Variants in HCRTR1 observed in about 807,000 individuals in gnomAD.
HCRTR1 encodes the protein hypocretin receptor 1.
HCRTR1 carries 28 observed loss-of-function variants against 40.6 expected under a neutral mutation model. That is an observed-to-expected ratio of 0.69 (90% confidence interval 0.51 to 0.95). HCRTR1 has a LOEUF of 0.95. HCRTR1 is among the 40% of genes least tolerant of loss of function. HCRTR1 has a pLI of 0.00. For synonymous variants in HCRTR1, 209 were observed against 230.0 expected, an observed-to-expected ratio of 0.91 and a Z score of 0.83; for missense variants, 482 against 564.7, an observed-to-expected ratio of 0.85 and a Z score of 1.48.
In HCRTR1 at chr1:31,627,022, C is replaced by G. The variant is rs1557580851; in HGVS notation, c.*42C>G. 1.3e-6 allele frequency: 2 copies of G among 1,575,364 alleles called. No individual in the cohort carries two copies. The highest frequency in any genetic ancestry group is 2.3e-5 in the East Asian group (1 of 43,716). On this transcript the variant is annotated 3_prime_UTR_variant, in exon 9 of 9. Coordinates refer to ENST00000403528, the MANE Select transcript of HCRTR1 (RefSeq NM_001525.3). ...AGGCTCCGGCTCGGGGGATCTGCCC[C>G]TACCCCTCATGGAAAGACAGCTGGA...
In HCRTR1 at chr1:31,621,585, G is replaced by A; in HGVS notation, c.731G>A (p.Gly244Asp). The A allele has an allele frequency of 1.2e-6, 2 of 1,611,576 alleles. No individual in the cohort carries two copies. The highest frequency in any genetic ancestry group is 4.5e-5 in the East Asian group (2 of 44,874). Residue 244 changes from glycine (G) to aspartate (D), a missense_variant, in exon 6 of 9, where the codon GGC (glycine) becomes GAC (aspartate). By Grantham distance (94) the Gly-to-Asp change is moderately conservative. Coordinates refer to ENST00000403528, the MANE Select transcript of HCRTR1 (RefSeq NM_001525.3). ...TTCCAGATATTCCGCAAGCTCTGGG[G>A]CCGCCAGGTGAGGCCCACTCTGGGC... ...AYFQIFRKLWGRQIPGTTSAL... is the reference protein window; with the variant it reads ...AYFQIFRKLWDRQIPGTTSAL...
intron 6 of HCRTR1, 24 bp from the exon 7 acceptor site, chr1:31,623,499 G>T: frequency 6.3e-7 from 1 of 1,595,182 alleles, no homozygotes; most frequent in Non-Finnish European, 8.6e-7. Context: ...ACCCACCACT[G>T]CTGTCTCTAT....
rs147617240 is a variant in HCRTR1, at chr1:31,619,271, T to G, written c.79T>G (p.Tyr27Asp). 5.1e-5 allele frequency: 83 copies of G among 1,614,092 alleles called. No individual in the cohort carries two copies. In the Admixed American group the frequency reaches 1.3e-3, roughly 25 times the overall value. Residue 27 changes from tyrosine (Y) to aspartate (D), a missense_variant, in exon 3 of 9, where the codon TAT becomes GAT. Physicochemically the swap from Tyr to Asp is radical, Grantham distance 160. Transcript: ENST00000403528. ...SREPSPVPPD[Y>D]EDEFLRYLWR... is the part of the protein sequence containing the mutation. Reference sequence around the variant, plus strand: ...AGAGCCGTCCCCTGTGCCTCCAGACTATGAAGATGAGTTTCTCCGCTATCT... The same window carrying G: ...AGAGCCGTCCCCTGTGCCTCCAGACGATGAAGATGAGTTTCTCCGCTATCT...
At position 31,627,051 on chromosome 1, in the gene HCRTR1, G is replaced by T; in HGVS notation, c.*71G>T. The T allele has an allele frequency of 1.3e-6, 2 of 1,545,154 alleles. No homozygotes were observed. The stretch of plus-strand genomic sequence containing the variant: ...CCCTCATGGAAAGACAGCTGGATGT[G>T]GTGAAAGGCTGTGGCTTCAGTCCTG... On this transcript the variant is annotated 3_prime_UTR_variant, in exon 9 of 9. Transcript: ENST00000403528.
At chr1:31,632,347 G>A, downstream of HCRTR1, 1 of 1,365,496 alleles carries the variant, frequency 7.3e-7, no homozygotes, top group Non-Finnish European at 1.0e-6. Context: ...CAAAGAAGGG[G>A]TGAGGGATGC....
intron 5 of HCRTR1, 138 bp from the exon 6 acceptor site, chr1:31,621,339 G>C (rs1639851541): frequency 1.2e-6 from 1 of 813,634 alleles, no homozygotes; most frequent in Non-Finnish European, 2.1e-6. Context: ...CAGGGTCTCT[G>C]TCTGTCATGG....
Position 31,625,211 on chromosome 1 carries a change from G to GAT in HCRTR1, c.1087+93_1087+94insAT. The GAT allele has an allele frequency of 7.2e-7, 1 of 1,387,624 alleles. No individual in the cohort carries two copies. Among genetic ancestry groups the GAT allele is most frequent in the Admixed American group, 2.3e-5 (1 of 44,118 alleles). The allele number at this position is 1,387,624 out of a possible 1,614,324, so 86.0% of individuals were successfully genotyped here. ...CCAAGCCAGGGCCCAAATAAAGGATGGTGGGTGAGGATGTACCTGCTGTGG... is the reference window on the plus strand; with the variant it reads ...CCAAGCCAGGGCCCAAATAAAGGATGATGTGGGTGAGGATGTACCTGCTGTGG... On this transcript the variant is annotated intron_variant, in intron 8 of 8. Transcript: ENST00000403528. This position sits in a 1 kb window ranked among gnomAD's most constrained non-coding sequence, Gnocchi z 4.2.
downstream of HCRTR1, chr1:31,633,421 C>G (rs2148618042): frequency 8.4e-7 from 1 of 1,187,732 alleles, no homozygotes; most frequent in South Asian, 1.6e-5. Context: ...ACAAATTCAC[C>G]TTCCCTGTCT....
downstream of HCRTR1, chr1:31,633,418 C>A: frequency 1.6e-6 from 2 of 1,245,756 alleles, no homozygotes; most frequent in Non-Finnish European, 2.2e-6. Flanking sequence ...TTCACAAATT[C>A]ACCTTCCCTG....
downstream of HCRTR1, chr1:31,630,756 T>C (rs549808725): frequency 1.7e-5 from 28 of 1,614,096 alleles, no homozygotes; most frequent in South Asian, 3.0e-4. Context: ...TCAAGCTGCA[T>C]GGCAGGATTG....
chr1:31,624,348 A>C lies in HCRTR1; in HGVS notation c.965+599A>C, dbSNP rs116418631. Reference sequence around the variant, plus strand: ...GTGGCATGTGCCTGTAGTTCTAGCTACACAGACTGAGGTGGAAGAATAGCT... The same window carrying C: ...GTGGCATGTGCCTGTAGTTCTAGCTCCACAGACTGAGGTGGAAGAATAGCT... On this transcript the variant is annotated intron_variant, in intron 7 of 8. Coordinates refer to ENST00000403528, the MANE Select transcript of HCRTR1 (RefSeq NM_001525.3). 3.8e-3 allele frequency among the ~76,000 whole-genome samples: 579 copies of C among 151,434 alleles called. 5 individuals carry two copies. Among genetic ancestry groups the C allele is most frequent in the African/African-American group, 0.012 (508 of 41,162 alleles).
At chr1:31,628,643 T>A (rs769540463), downstream of HCRTR1, among the ~76,000 whole-genome samples, 3 of 152,138 alleles carry the variant, frequency 2.0e-5, no homozygotes, top group Non-Finnish European at 4.4e-5. Context: ...CTTGGTTCAG[T>A]GGGAACAAAG....
intron 6 of HCRTR1, 46 bp downstream of exon 6, chr1:31,621,638 T>G (rs879243277): frequency 3.0e-6 from 4 of 1,342,586 alleles, no homozygotes; most frequent in Non-Finnish European, 4.3e-6. Flanking sequence ...CTGTGTGGGC[T>G]GGGGGTGGGA....
chr1:31,626,826 G>A lies in HCRTR1; in HGVS notation c.1124G>A (p.Cys375Tyr), dbSNP rs1035124863. The A allele has an allele frequency of 2.5e-6, 4 of 1,614,042 alleles. No homozygotes were observed. The highest frequency in any genetic ancestry group is 3.3e-5 in the Admixed American group (2 of 60,022). ...GAGCAGTTTAAGGCTGCCTTCTCCT[G>A]CTGCCTGCCTGGCCTGGGTCCCTGC... ...FREQFKAAFSCCLPGLGPCGS... is the reference protein window; with the variant it reads ...FREQFKAAFSYCLPGLGPCGS... Residue 375 changes from cysteine (C) to tyrosine (Y), a missense_variant, in exon 9 of 9, where the codon TGC (cysteine) becomes TAC (tyrosine). Physicochemically the swap from Cys to Tyr is radical, Grantham distance 194. Coordinates refer to ENST00000403528, the MANE Select transcript of HCRTR1 (RefSeq NM_001525.3). This position sits in a 1 kb window ranked among gnomAD's most constrained non-coding sequence, Gnocchi z 4.6.
At position 31,625,622 on chromosome 1, in the gene HCRTR1, C is replaced by A. The variant is rs545001964; in HGVS notation, c.1087+504C>A. 3.9e-5 allele frequency among the ~76,000 whole-genome samples: 6 copies of A among 152,292 alleles called. No individual in the cohort carries two copies. Among genetic ancestry groups the A allele is most frequent in the South Asian group, 2.1e-4 (1 of 4,830 alleles). ...CAGCTAGACACACTGGCAGAGTGAC[C>A]GGAATCTCAGGGGTTGTCCCCTCTG... On this transcript the variant is annotated intron_variant, in intron 8 of 8. Transcript: ENST00000403528. This position sits in a 1 kb window ranked among gnomAD's most constrained non-coding sequence, Gnocchi z 4.2.
At chr1:31,630,409 C>T (rs182741586), downstream of HCRTR1, 183 of 600,310 alleles carry the variant, frequency 3.0e-4, no homozygotes, top group African/African-American at 3.0e-3. Flanking sequence ...CATCAGGCCC[C>T]TATCTGTGTG....
Position 31,626,862 on chromosome 1 carries a change from A to C in HCRTR1, c.1160A>C (p.Lys387Thr). The change falls in exon 9 of 9, where the codon AAG becomes ACG. Residue 387 changes from lysine (K) to threonine (T), a missense_variant. Physicochemically the swap from Lys to Thr is moderately conservative, Grantham distance 78 (BLOSUM62 -1). Coordinates refer to ENST00000403528, the MANE Select transcript of HCRTR1 (RefSeq NM_001525.3). This position sits in a 1 kb window ranked among gnomAD's most constrained non-coding sequence, Gnocchi z 4.6. ...GGCCTGGGTCCCTGCGGCTCTCTGA[A>C]GGCCCCTAGTCCCCGCTCCTCTGCC... is the stretch of plus-strand genomic sequence containing the variant. The part of the protein sequence containing the change: ...LPGLGPCGSL[K>T]APSPRSSASH... 6.2e-7 allele frequency: 1 copy of C among 1,613,984 alleles called. No individual in the cohort carries two copies. The highest frequency in any genetic ancestry group is 1.1e-5 in the South Asian group (1 of 91,080).
Position 31,627,196 on chromosome 1 carries a change from G to T in HCRTR1, c.*216G>T. 1 of 1,479,948 alleles carries T rather than the reference G, an allele frequency of 6.8e-7. No individual in the cohort carries two copies. Among genetic ancestry groups the T allele is most frequent in the South Asian group, 1.3e-5 (1 of 77,404 alleles). 91.7% of individuals were successfully genotyped at this position (1,479,948 alleles called of 1,614,324 possible). A position where few individuals can be genotyped will look rare whatever the true frequency, so the allele number is the denominator to read the frequency against. Reference sequence around the variant, plus strand: ...AAGTGGAAAGCTCCTTGTAAACTGTGAAGTGTTGTGGACATGATTATTGTT... The same window carrying T: ...AAGTGGAAAGCTCCTTGTAAACTGTTAAGTGTTGTGGACATGATTATTGTT... On this transcript the variant is annotated 3_prime_UTR_variant, in exon 9 of 9. Transcript: ENST00000403528.
chr1:31,621,195 G>T, intron 5 of HCRTR1, 109 bp downstream of exon 5: 1 of 1,412,002 alleles, frequency 7.1e-7, no homozygotes, highest in Non-Finnish European at 9.5e-7. Flanking sequence ...AAATCCCAGA[G>T]CAGGTATTTC....
Sources: allele counts gnomAD v4.1 joint callset (sites outside exome capture counted in the v4.1 genomes callset), GRCh38; gene constraint gnomAD v4.1.1; non-coding constraint Gnocchi (gnomAD v3.1); transcripts MANE v1.5; gene names NCBI Gene and HGNC (gene_info 2026-07-23, HGNC 2026-07-21).